STAG1: variants seen among roughly 807,000 people sequenced by gnomAD.
STAG1 encodes cohesin subunit SA-1.
Under a neutral mutation model 170.9 loss-of-function variants are expected in STAG1, and 26 were observed. That is an observed-to-expected ratio of 0.15 (90% CI 0.11 to 0.21). The LOEUF (loss-of-function observed/expected upper bound fraction) is 0.21, where lower values mean the gene tolerates loss of function less well. Among genes scored for constraint, STAG1 ranks in the 10% least tolerant of loss-of-function variants. The pLI, the probability that STAG1 is intolerant of heterozygous loss-of-function variation, is 1.00. For synonymous variants in STAG1, 514 were observed against 497.7 expected (o/e 1.03, Z -0.44); for missense variants, 964 against 1,509.5 (o/e 0.64, Z 5.99).
chr3:136,369,340 C>T (rs1937202548), intron 23 of STAG1, 58 bp from the exon 24 acceptor site: 1 of 1,367,246 alleles, frequency 7.3e-7, no homozygotes, highest in Non-Finnish European at 9.8e-7. Context: ...TACAAGTCAA[C>T]ATTAATGAAA....
intron 1 of STAG1, among the ~76,000 whole-genome samples, chr3:136,699,238 T>A (rs914087012): frequency 6.6e-6 from 1 of 152,180 alleles, no homozygotes; most frequent in Non-Finnish European, 1.5e-5. Context: ...AAAGAATGAC[T>A]TCCTTTAATG....
intron 14 of STAG1, among the ~76,000 whole-genome samples, chr3:136,446,286 C>T (rs960265204): frequency 1.2e-4 from 18 of 151,982 alleles, no homozygotes; most frequent in Non-Finnish European, 1.6e-4. Context: ...GTTTCTTATA[C>T]TCCTCTTTTC....
chr3:136,371,671 T>A (rs1001396982), intron 23 of STAG1, among the ~76,000 whole-genome samples: 1 of 152,200 alleles, frequency 6.6e-6, no homozygotes, highest in African/African-American at 2.4e-5. Context: ...GTTGTAGATA[T>A]GCGGCATTAT....
At chr3:136,626,424 CAAAA>C (rs755048196) in intron 2 of STAG1, among the ~76,000 whole-genome samples, 1 of 77,430 alleles carries the variant, frequency 1.3e-5, no homozygotes. Context: ...GACTACATCT[CAAAA>C]AAAAAAAAAA....
rs147646736 is a variant in STAG1 at position 136,743,985 on chromosome 3, T to C, written c.-84+8210A>G. On this transcript the variant is annotated intron_variant, in intron 1 of 33. Coordinates refer to ENST00000383202, the MANE Select transcript of STAG1 (RefSeq NM_005862.3). ...CGGTTTATTTCTGAATTTTGGCTAC[T>C]GCAAATAAGGCTACTATGAACATTC... 1.0e-3 allele frequency among the ~76,000 whole-genome samples: 153 copies of C among 152,372 alleles called. 2 individuals are homozygous for C. The highest frequency in any genetic ancestry group is 3.6e-3 in the African/African-American group (150 of 41,590).
chr3:136,485,525 C>T (rs536968899), intron 9 of STAG1, among the ~76,000 whole-genome samples: 9 of 152,140 alleles, frequency 5.9e-5, no homozygotes, highest in East Asian at 1.9e-4. Context: ...ACTGAACATG[C>T]GTGGGACAAG....
intron 4 of STAG1, among the ~76,000 whole-genome samples, chr3:136,581,129 G>C (rs1335840584): frequency 6.6e-6 from 1 of 152,070 alleles, no homozygotes; most frequent in Non-Finnish European, 1.5e-5. Flanking sequence ...GGGATTATAG[G>C]TATGTGCCAG....
At chr3:136,511,685 T>C (rs1934072461) in intron 7 of STAG1, among the ~76,000 whole-genome samples, 1 of 152,140 alleles carries the variant, frequency 6.6e-6, no homozygotes. Flanking sequence ...TCAGGAAATG[T>C]AACTAATGGG....
chr3:136,518,805 T>C (rs1934512922), intron 7 of STAG1, among the ~76,000 whole-genome samples: 1 of 152,112 alleles, frequency 6.6e-6, no homozygotes, highest in Admixed American at 6.5e-5. Flanking sequence ...TACATGATGA[T>C]ACTAATATAA....
chr3:136,591,517 G>A (rs1460983494), intron 4 of STAG1: 3 of 424,774 alleles, frequency 7.1e-6, no homozygotes, highest in Non-Finnish European at 1.4e-5. Context: ...GGTCAGCCTG[G>A]ACAACACTGA....
chr3:136,414,160 T>G (rs929283167), intron 21 of STAG1, among the ~76,000 whole-genome samples: 1 of 152,142 alleles, frequency 6.6e-6, no homozygotes, highest in Non-Finnish European at 1.5e-5. Flanking sequence ...TGGCAATTTC[T>G]CAAGATGACA....
intron 1 of STAG1, among the ~76,000 whole-genome samples, chr3:136,699,474 T>C (rs1320505313): frequency 4.6e-5 from 7 of 152,056 alleles, no homozygotes; most frequent in African/African-American, 1.7e-4. Flanking sequence ...CACTGCAACC[T>C]CTGCCTCCCG....
At chr3:136,639,473 C>T (rs1435358274) in intron 1 of STAG1, among the ~76,000 whole-genome samples, 2 of 152,180 alleles carry the variant, frequency 1.3e-5, no homozygotes, top group Non-Finnish European at 2.9e-5. Flanking sequence ...AATCTACATA[C>T]TCATACAAAT....
intron 1 of STAG1, among the ~76,000 whole-genome samples, chr3:136,654,575 C>G (rs1394252966): frequency 1.3e-5 from 2 of 152,130 alleles, no homozygotes; most frequent in Non-Finnish European, 2.9e-5. Flanking sequence ...TCTGCAGATT[C>G]AATGCAAACC....
At chr3:136,471,794 T>C (rs2089634511) in intron 12 of STAG1, among the ~76,000 whole-genome samples, 1 of 152,198 alleles carries the variant, frequency 6.6e-6, no homozygotes, top group African/African-American at 2.4e-5. Flanking sequence ...TTTGGGAAAC[T>C]GTCCCTTTGA....
chr3:136,597,281 A>C (rs1938471193), intron 4 of STAG1, among the ~76,000 whole-genome samples: 1 of 152,204 alleles, frequency 6.6e-6, no homozygotes, highest in Non-Finnish European at 1.5e-5. Flanking sequence ...CTTTAATGTT[A>C]TATTCTTAGT....
chr3:136,492,319 A>G (rs985066922), intron 9 of STAG1, among the ~76,000 whole-genome samples: 30 of 152,248 alleles, frequency 2.0e-4, no homozygotes, highest in Admixed American at 2.0e-4. Context: ...AATGTAAATC[A>G]ACATTGTAAC....
chr3:136,636,923 C>T (rs143736425), intron 1 of STAG1, among the ~76,000 whole-genome samples: 2 of 152,224 alleles, frequency 1.3e-5, no homozygotes, highest in East Asian at 3.9e-4. Flanking sequence ...ACATACATAC[C>T]TAAACTACTC....
At chr3:136,705,114 G>A (rs961479871) in intron 1 of STAG1, among the ~76,000 whole-genome samples, 1 of 151,956 alleles carries the variant, frequency 6.6e-6, no homozygotes, top group Non-Finnish European at 1.5e-5. Flanking sequence ...AGTGGCTCAC[G>A]CCTGTAATCC....
Sources: allele counts gnomAD v4.1 joint callset (sites outside exome capture counted in the v4.1 genomes callset), GRCh38; gene constraint gnomAD v4.1.1; transcripts MANE v1.5; gene names NCBI Gene and HGNC (gene_info 2026-07-23, HGNC 2026-07-21).